Variants in ASIC5 observed in about 807,000 individuals in gnomAD.
ASIC5 encodes acid sensing ion channel subunit family member 5.
A neutral mutation model predicts 51.2 loss-of-function variants in ASIC5; 52 were observed. That is an observed-to-expected ratio of 1.02 (90% CI 0.81 to 1.28). ASIC5 has a LOEUF of 1.28. Among genes scored for constraint, ASIC5 ranks in the 50% most tolerant of loss-of-function variants. The probability of loss-of-function intolerance (pLI) is 0.00; values close to 1 mark genes in which losing one functional copy is unlikely to be tolerated. For missense variants in ASIC5, 635 were observed against 595.0 expected (o/e 1.07, Z -0.70); for synonymous variants, 231 against 200.7 (o/e 1.15, Z -1.28).
chr4:155,852,093 A>T lies in ASIC5; in HGVS notation c.711+98T>A, dbSNP rs185506541. 21 of 1,296,654 alleles carry T rather than the reference A, an allele frequency of 1.6e-5. No individual in the cohort carries two copies. The African/African-American group carries it at 2.9e-4, about 18-fold the overall frequency. 80.3% of individuals were successfully genotyped at this position (1,296,654 alleles called of 1,614,324 possible). A position where few individuals can be genotyped will look rare whatever the true frequency, so the allele number is the denominator to read the frequency against. ...ATTAACAAAAACTGAAATAATATCC[A>T]ATGTGTGGGAACTATCTGATATGGC... On this transcript the variant is annotated intron_variant, in intron 4 of 9. Coordinates refer to ENST00000537611, the MANE Select transcript of ASIC5 (RefSeq NM_017419.3).
intron 6 of ASIC5, among the ~76,000 whole-genome samples, chr4:155,840,100 T>C (rs1171958864): frequency 1.3e-5 from 2 of 152,202 alleles, no homozygotes; most frequent in Non-Finnish European, 2.9e-5. Flanking sequence ...CATGCAGATA[T>C]CATTCTTTGT....
chr4:155,829,784 A>G lies in ASIC5; in HGVS notation c.*72T>C. On this transcript the variant is annotated 3_prime_UTR_variant, in exon 10 of 10. Coordinates refer to ENST00000537611, the MANE Select transcript of ASIC5 (RefSeq NM_017419.3). The stretch of plus-strand genomic sequence containing the variant: ...GAACTCTCAAAACTATAGAAAAGTG[A>G]CGTAACAATGAATTAGTCAAGATAA... 1.1e-6 allele frequency: 1 copy of G among 943,094 alleles called. No homozygotes were observed. Among genetic ancestry groups the G allele is most frequent in the Non-Finnish European group, 1.5e-6 (1 of 650,504 alleles). 58.4% of individuals were successfully genotyped at this position (943,094 alleles called of 1,614,324 possible).
At chr4:155,857,516 C>T (rs1741575583) in intron 2 of ASIC5, among the ~76,000 whole-genome samples, 1 of 152,070 alleles carries the variant, frequency 6.6e-6, no homozygotes, top group African/African-American at 2.4e-5. Context: ...TAATTTAACA[C>T]AACTGGTAAG....
Position 155,843,719 on chromosome 4 carries a change from C to G in ASIC5, c.823G>C (p.Val275Leu). The G allele has an allele frequency of 6.2e-7, 1 of 1,613,600 alleles. No homozygotes were observed. Among genetic ancestry groups the G allele is most frequent in the Non-Finnish European group, 8.5e-7 (1 of 1,179,690 alleles). The part of the protein sequence containing the change: ...QFDGLGLLSP[V>L]GMHARVTIRQ... ...ATGGTTACCCTTGCGTGCATTCCCA[C>G]AGGTGACAACAAGCCTAACCCATCA... Residue 275 changes from valine to leucine, a missense_variant, in exon 5 of 10, where the codon GTG becomes CTG. Physicochemically the swap from Val to Leu is conservative, Grantham distance 32 (BLOSUM62 1). Transcript: ENST00000537611.
chr4:155,831,937 A>G, intron 8 of ASIC5, 22 bp from the exon 9 acceptor site: 2 of 1,252,390 alleles, frequency 1.6e-6, no homozygotes, highest in Non-Finnish European at 2.3e-6. Flanking sequence ...AAAGAGAGTT[A>G]ATATAGCTTA....
chr4:155,865,586 C>T lies in ASIC5; in HGVS notation c.40+601G>A, dbSNP rs1741841646. On this transcript the variant is annotated intron_variant, in intron 1 of 9. Coordinates refer to ENST00000537611, the MANE Select transcript of ASIC5 (RefSeq NM_017419.3). ...CAAAACATTTAACTTTCAAGTTTGC[C>T]TGTCAAAAATCAGCCCATTTAATAT... Among the ~76,000 whole-genome samples the T allele has an allele frequency of 2.0e-5, 3 of 152,130 alleles. 1 individual carries two copies. In the South Asian group the frequency reaches 6.2e-4, roughly 32 times the overall value.
intron 2 of ASIC5, among the ~76,000 whole-genome samples, chr4:155,855,739 C>T (rs1741520348): frequency 6.7e-6 from 1 of 148,808 alleles, no homozygotes; most frequent in South Asian, 2.1e-4. Flanking sequence ...TATATATATA[C>T]ATATATATAA....
chr4:155,863,666 G>T lies in ASIC5; in HGVS notation c.129C>A (p.Ile43=). ...ERKKFDHDFA[I]STSFHGIHNI... ...TGTGTATCCCATGAAAGGAAGTGGA[G>T]ATGGCAAAGTCATGGTCAAACTTCT... The change falls in exon 2 of 10, where the codon ATC becomes ATA. Residue 43 remains isoleucine (I), a synonymous_variant. Transcript: ENST00000537611. 1 of 1,613,954 alleles carries T rather than the reference G, an allele frequency of 6.2e-7. No homozygotes were observed. Among genetic ancestry groups the T allele is most frequent in the Non-Finnish European group, 8.5e-7 (1 of 1,179,916 alleles).
chr4:155,857,654 T>A (rs754520736), intron 2 of ASIC5, among the ~76,000 whole-genome samples: 2 of 152,136 alleles, frequency 1.3e-5, no homozygotes, highest in Admixed American at 6.6e-5. Flanking sequence ...CTCCAAGTTA[T>A]ATGACCCAAA....
At chr4:155,838,679 C>T (rs146154001) in intron 7 of ASIC5, 134 bp downstream of exon 7, 310 of 510,610 alleles carry the variant, frequency 6.1e-4, no homozygotes, top group Non-Finnish European at 7.3e-4. Flanking sequence ...TTTAAGAACA[C>T]TTACAAAAAG....
chr4:155,842,211 A>G lies in ASIC5; in HGVS notation c.1005T>C (p.Leu335=). The part of the protein sequence containing the change: ...KKQCGCVPFL[L]PGYGIECDLQ... ...GGGCAGTTAGTCTTTATTTACCAGG[A>G]AGAAGAAAAGGCACACATCCACATT... Residue 335 remains leucine, a synonymous_variant, in exon 6 of 10, where the codon CTT becomes CTC. Coordinates refer to ENST00000537611, the MANE Select transcript of ASIC5 (RefSeq NM_017419.3). The G allele has an allele frequency of 6.2e-7, 1 of 1,613,178 alleles. No individual in the cohort carries two copies. Among genetic ancestry groups the G allele is most frequent in the Non-Finnish European group, 8.5e-7 (1 of 1,179,426 alleles).
intron 7 of ASIC5, among the ~76,000 whole-genome samples, chr4:155,837,937 G>A (rs555693282): frequency 6.6e-6 from 1 of 152,072 alleles, no homozygotes; most frequent in Non-Finnish European, 1.5e-5. Context: ...TCTCCCTCCA[G>A]CCTCCAACAA....
At chr4:155,855,596 C>T (rs1741515218) in intron 2 of ASIC5, among the ~76,000 whole-genome samples, 1 of 151,650 alleles carries the variant, frequency 6.6e-6, no homozygotes, top group Admixed American at 6.6e-5. Context: ...GCATATTCCA[C>T]TCTTGGTAAG....
intron 6 of ASIC5, among the ~76,000 whole-genome samples, chr4:155,840,439 TATA>T (rs955728024): frequency 2.0e-5 from 3 of 147,444 alleles, no homozygotes; most frequent in Admixed American, 6.8e-5. Flanking sequence ...TTATATATAA[TATA>T]ATATATATTT....
chr4:155,834,089 C>T (rs774498962), intron 8 of ASIC5, among the ~76,000 whole-genome samples: 1 of 152,110 alleles, frequency 6.6e-6, no homozygotes, highest in African/African-American at 2.4e-5. Flanking sequence ...TAAAACAGAA[C>T]AATTTTTAAA....
intron 1 of ASIC5, among the ~76,000 whole-genome samples, chr4:155,864,205 C>T (rs1375408389): frequency 2.0e-5 from 3 of 152,134 alleles, no homozygotes; most frequent in African/African-American, 7.2e-5. Context: ...TAATGTTTGT[C>T]CTATGGTGGT....
In ASIC5 at chr4:155,844,314, A is replaced by AAAAC. The variant is rs1220812060; in HGVS notation, c.712-488_712-485dup. Among the ~76,000 whole-genome samples, 11 of 152,118 alleles carry AAAAC rather than the reference A, an allele frequency of 7.2e-5. No individual in the cohort carries two copies. The East Asian group carries it at 2.1e-3, about 30-fold the overall frequency. On this transcript the variant is annotated intron_variant, in intron 4 of 9. Coordinates refer to ENST00000537611, the MANE Select transcript of ASIC5 (RefSeq NM_017419.3). ...GGTTCATTCGCTATTAAAAAAACAAAAAACAAACAAACAAAAAAAACTCCT... is the reference window on the plus strand; with the variant it reads ...GGTTCATTCGCTATTAAAAAAACAAAAAACAAACAAACAAACAAAAAAAACTCCT...
chr4:155,854,056 T>C (rs372368679), intron 3 of ASIC5, 21 bp downstream of exon 3: 1 of 1,540,396 alleles, frequency 6.5e-7, no homozygotes, highest in Non-Finnish European at 9.0e-7. Flanking sequence ...TGATTATATT[T>C]GAAGAATAGA....
At chr4:155,857,998 G>A (rs781726466) in intron 2 of ASIC5, among the ~76,000 whole-genome samples, 7 of 151,968 alleles carry the variant, frequency 4.6e-5, no homozygotes, top group Non-Finnish European at 8.8e-5. Flanking sequence ...CCCAATATAC[G>A]AGTTACTCAT....
Sources: gnomAD v4.1 joint callset for allele counts (sites outside exome capture counted in the v4.1 genomes callset) on GRCh38, gnomAD v4.1.1 for gene constraint, MANE v1.5 for transcripts, NCBI Gene and HGNC (gene_info 2026-07-23, HGNC 2026-07-21) for gene names.